Variants in UGT1A5 observed in about 807,000 individuals in gnomAD.
UGT1A5 encodes the protein UDP-glucuronosyltransferase 1A5.
Under a neutral mutation model 40.3 loss-of-function variants are expected in UGT1A5, and 29 were observed. The ratio of observed to expected loss-of-function variants is 0.72; its 90% confidence interval spans 0.54 to 0.98. The LOEUF (loss-of-function observed/expected upper bound fraction) is 0.98, where lower values mean the gene tolerates loss of function less well. Among genes scored for constraint, UGT1A5 ranks in the 50% least tolerant of loss-of-function variants. The pLI, the probability that UGT1A5 is intolerant of heterozygous loss-of-function variation, is 0.00. For synonymous variants in UGT1A5, 257 were observed against 262.5 expected (o/e 0.98, Z 0.20); for missense variants, 678 against 677.9 (o/e 1.00, Z 0.00).
At chr2:233,746,978 G>A (rs1312298937) in intron 1 of UGT1A5, among the ~76,000 whole-genome samples, 2 of 151,796 alleles carry the variant, frequency 1.3e-5, no homozygotes, top group Non-Finnish European at 2.9e-5. Flanking sequence ...CCCAGAGCGA[G>A]CGCAGGGTCA....
chr2:233,722,551 G>A (rs1195630832), intron 1 of UGT1A5, among the ~76,000 whole-genome samples: 3 of 152,024 alleles, frequency 2.0e-5, no homozygotes, highest in Admixed American at 6.5e-5. Context: ...AGTTTCTTTT[G>A]GTTGATTTGT....
intron 1 of UGT1A5, among the ~76,000 whole-genome samples, chr2:233,739,350 G>A (rs1691066306): frequency 6.6e-6 from 1 of 152,146 alleles, no homozygotes; most frequent in South Asian, 2.1e-4. Flanking sequence ...ACCCAGAAGG[G>A]CAGATCCAAT....
At chr2:233,743,956 G>C in intron 1 of UGT1A5, 2 of 1,338,248 alleles carry the variant, frequency 1.5e-6, no homozygotes, top group Non-Finnish European at 2.0e-6. Flanking sequence ...CTGGCACAGC[G>C]AGCGGCAAGG....
intron 1 of UGT1A5, among the ~76,000 whole-genome samples, chr2:233,723,552 T>G (rs1350574557): frequency 7.9e-6 from 1 of 126,806 alleles, no homozygotes; most frequent in Non-Finnish European, 1.6e-5. Flanking sequence ...ATTTTTTTAT[T>G]GATAATTCTT....
Position 233,772,653 on chromosome 2 carries a change from T to C in UGT1A5, c.*94T>C. The C allele has an allele frequency of 1.3e-6, 2 of 1,546,978 alleles. No individual in the cohort carries two copies. The highest frequency in any genetic ancestry group is 1.7e-6 in the Non-Finnish European group (2 of 1,146,404). On this transcript the variant is annotated 3_prime_UTR_variant, in exon 5 of 5. Transcript: ENST00000373414. ...CAGTGTTAAATTCATTTTATTCTTA[T>C]TAAGGAAATACTTTGCATAAATTAA...
chr2:233,738,821 A>C (rs1039985874), intron 1 of UGT1A5: 1 of 152,270 alleles, frequency 6.6e-6, no homozygotes, highest in African/African-American at 2.4e-5. Context: ...AATTTGAATA[A>C]ATAAGGAGGA....
At chr2:233,731,444 C>T (rs1406518964) in intron 1 of UGT1A5, among the ~76,000 whole-genome samples, 1 of 152,126 alleles carries the variant, frequency 6.6e-6, no homozygotes, top group Non-Finnish European at 1.5e-5. Flanking sequence ...CAGTCCCCCA[C>T]CCCACAACAG....
chr2:233,716,357 T>C (rs1330128112), intron 1 of UGT1A5, among the ~76,000 whole-genome samples: 1 of 152,220 alleles, frequency 6.6e-6, no homozygotes, highest in Non-Finnish European at 1.5e-5. Context: ...ATGTAGATAC[T>C]TTGTGGGGCT....
intron 1 of UGT1A5, among the ~76,000 whole-genome samples, chr2:233,722,234 T>C (rs551912066): frequency 1.3e-5 from 2 of 152,362 alleles, no homozygotes; most frequent in East Asian, 1.9e-4. Flanking sequence ...ATCTTTATCA[T>C]GTATTATCTG....
intron 1 of UGT1A5, chr2:233,729,683 A>G (rs997425766): frequency 5.0e-6 from 8 of 1,613,836 alleles, no homozygotes; most frequent in African/African-American, 1.3e-5. Context: ...AAGGGCACAC[A>G]GTGTCCAAAC....
chr2:233,725,911 A>G (rs1258328024), intron 1 of UGT1A5, among the ~76,000 whole-genome samples: 2 of 152,166 alleles, frequency 1.3e-5, no homozygotes. Flanking sequence ...CACACCTGCA[A>G]TTTCAGCCCT....
At chr2:233,729,773 AC>A (rs1344776353) in intron 1 of UGT1A5, 1 of 1,613,832 alleles carries the variant, frequency 6.2e-7, no homozygotes, top group African/African-American at 1.3e-5. Context: ...AACATGCTCT[AC>A]CCTCTGGCCC....
At position 233,769,005 on chromosome 2, in the gene UGT1A5, C is replaced by G. The variant is rs929159668; in HGVS notation, c.1307+566C>G. 2.0e-5 allele frequency among the ~76,000 whole-genome samples: 3 copies of G among 152,020 alleles called. No individual in the cohort carries two copies. Among genetic ancestry groups the G allele is most frequent in the South Asian group, 4.2e-4 (2 of 4,812 alleles). ...TATTTCCCCCATTAGATTTAAAACT[C>G]CAATTTACATAAAAAGTTGCCATAA... On this transcript the variant is annotated intron_variant, in intron 4 of 4. Transcript: ENST00000373414. This position sits in a 1 kb window ranked among gnomAD's most constrained non-coding sequence, Gnocchi z 4.4.
chr2:233,725,861 T>C (rs1225689926), intron 1 of UGT1A5, among the ~76,000 whole-genome samples: 2 of 152,194 alleles, frequency 1.3e-5, no homozygotes, highest in East Asian at 1.9e-4. Context: ...ATTCCCCATC[T>C]CTTTTAATTT....
At chr2:233,716,173 C>T (rs1298365895) in intron 1 of UGT1A5, among the ~76,000 whole-genome samples, 1 of 152,174 alleles carries the variant, frequency 6.6e-6, no homozygotes. Context: ...AGTGCAGCAT[C>T]TTCAAGTCTC....
intron 1 of UGT1A5, chr2:233,755,248 G>T: frequency 2.4e-6 from 2 of 834,922 alleles, no homozygotes; most frequent in Non-Finnish European, 3.6e-6. Flanking sequence ...GGTACTCCCA[G>T]CACCTCGTAG....
At chr2:233,727,715 G>T (rs2125728496) in intron 1 of UGT1A5, among the ~76,000 whole-genome samples, 1 of 152,312 alleles carries the variant, frequency 6.6e-6, no homozygotes, top group African/African-American at 2.4e-5. Context: ...CAAAGCCCTT[G>T]CAGACCTTCC....
Position 233,766,771 on chromosome 2 carries a change from C to T in UGT1A5, c.868-263C>T, listed in dbSNP as rs71528513. ...GTGCATGTGTGTGCATGTACCTGTG[C>T]TTTTCTTTTGGAAAACTAGCACATT... On this transcript the variant is annotated intron_variant, in intron 1 of 4. Transcript: ENST00000373414. 5.2e-3 allele frequency among the ~76,000 whole-genome samples: 785 copies of T among 152,286 alleles called. 3 individuals are homozygous for T. The highest frequency in any genetic ancestry group is 8.7e-3 in the Non-Finnish European group (595 of 68,032).
intron 1 of UGT1A5, chr2:233,718,636 G>T: frequency 6.8e-7 from 1 of 1,465,760 alleles, no homozygotes; most frequent in Non-Finnish European, 9.1e-7. Context: ...CTTTCCCAGG[G>T]TTGGGCCCAT....
Sources: gnomAD v4.1 joint callset for allele counts (sites outside exome capture counted in the v4.1 genomes callset) on GRCh38, gnomAD v4.1.1 for gene constraint, Gnocchi (gnomAD v3.1) non-coding constraint, MANE v1.5 for transcripts, NCBI Gene and HGNC (gene_info 2026-07-23, HGNC 2026-07-21) for gene names.